SYT16: variants seen among roughly 807,000 people sequenced by gnomAD.
The protein encoded by SYT16 is synaptotagmin-16.
Under a neutral mutation model 61.4 loss-of-function variants are expected in SYT16, and 42 were observed. The observed-to-expected ratio is 0.68, with a 90% confidence interval of 0.53 to 0.89. The LOEUF (loss-of-function observed/expected upper bound fraction) is 0.89. Among genes scored for constraint, SYT16 ranks in the 40% least tolerant of loss-of-function variants. The pLI, the probability that SYT16 is intolerant of heterozygous loss-of-function variation, is 0.00. For missense variants in SYT16, 804 were observed against 807.3 expected (o/e 1.00, Z 0.05); for synonymous variants, 314 against 302.3 (o/e 1.04, Z -0.40).
intron 1 of SYT16, among the ~76,000 whole-genome samples, chr14:61,968,596 A>G (rs993558404): frequency 6.6e-6 from 1 of 152,088 alleles, no homozygotes; most frequent in Non-Finnish European, 1.5e-5. Context: ...AAGATGGTTT[A>G]CTCCTACTTA....
intron 1 of SYT16, among the ~76,000 whole-genome samples, chr14:61,888,244 A>T (rs1239276658): frequency 6.6e-6 from 1 of 151,106 alleles, no homozygotes; most frequent in Non-Finnish European, 1.5e-5. Flanking sequence ...CAGCCTCCCG[A>T]GTAGCTGGGA....
At chr14:61,916,389 C>G (rs1174590369) in intron 1 of SYT16, among the ~76,000 whole-genome samples, 1 of 151,992 alleles carries the variant, frequency 6.6e-6, no homozygotes, top group Non-Finnish European at 1.5e-5. Context: ...TTTATGTGCT[C>G]CTATTACTCC....
intron 3 of SYT16, among the ~76,000 whole-genome samples, chr14:62,057,811 A>G (rs2055632044): frequency 6.6e-6 from 1 of 152,212 alleles, no homozygotes; most frequent in East Asian, 1.9e-4. Context: ...AATAAACCGC[A>G]CATACATAAA....
chr14:62,016,095 A>G (rs1168527789), intron 3 of SYT16, among the ~76,000 whole-genome samples: 1 of 152,188 alleles, frequency 6.6e-6, no homozygotes, highest in African/African-American at 2.4e-5. Context: ...AACCATTTAC[A>G]GTGTCTCTTG....
intron 2 of SYT16, among the ~76,000 whole-genome samples, chr14:61,990,714 C>G (rs1304074790): frequency 4.6e-5 from 7 of 152,046 alleles, no homozygotes; most frequent in Admixed American, 1.3e-4. Flanking sequence ...GTAACTGTCC[C>G]CCAACCCTGC....
intron 1 of SYT16, among the ~76,000 whole-genome samples, chr14:61,915,787 A>T (rs1389713080): frequency 6.6e-6 from 1 of 152,258 alleles, no homozygotes; most frequent in African/African-American, 2.4e-5. Context: ...ATCTCCAGAC[A>T]TCTGGAAATG....
chr14:61,874,155 ATTT>A (rs1198782940), intron 1 of SYT16, among the ~76,000 whole-genome samples: 1 of 152,194 alleles, frequency 6.6e-6, no homozygotes, highest in Non-Finnish European at 1.5e-5. Flanking sequence ...GTTGCATAGA[ATTT>A]TGCAAAACAA....
At chr14:62,030,690 C>T (rs2054280304) in intron 3 of SYT16, among the ~76,000 whole-genome samples, 2 of 152,192 alleles carry the variant, frequency 1.3e-5, no homozygotes, top group Non-Finnish European at 2.9e-5. Context: ...TTGTTAATCA[C>T]ATTCAAAGGT....
intron 6 of SYT16, among the ~76,000 whole-genome samples, chr14:62,083,680 G>A (rs987904488): frequency 1.4e-4 from 21 of 152,148 alleles, no homozygotes; most frequent in African/African-American, 5.1e-4. Context: ...ACAACCTTAA[G>A]CAGAACTAGG....
At chr14:61,963,583 G>T (rs1218911708) in intron 1 of SYT16, among the ~76,000 whole-genome samples, 3 of 152,190 alleles carry the variant, frequency 2.0e-5, no homozygotes, top group Non-Finnish European at 4.4e-5. Flanking sequence ...GGTTCCTGAG[G>T]TTCAAGGAAA....
intron 1 of SYT16, among the ~76,000 whole-genome samples, chr14:61,880,067 C>G (rs1470090340): frequency 6.6e-6 from 1 of 152,232 alleles, no homozygotes; most frequent in Non-Finnish European, 1.5e-5. Context: ...TTTCCCACCT[C>G]TGTCTGCAGA....
chr14:62,074,709 CT>C (rs1462032546), intron 4 of SYT16, among the ~76,000 whole-genome samples: 1 of 152,094 alleles, frequency 6.6e-6, no homozygotes, highest in Non-Finnish European at 1.5e-5. Context: ...ATCACCAAAG[CT>C]TTTTGAGCAG....
intron 3 of SYT16, among the ~76,000 whole-genome samples, chr14:62,045,935 C>T (rs1458570728): frequency 6.6e-6 from 1 of 152,126 alleles, no homozygotes; most frequent in Non-Finnish European, 1.5e-5. Context: ...GTCTTTATAG[C>T]AGCATGATTT....
At position 62,004,191 on chromosome 14, in the gene SYT16, G is replaced by C. The variant is rs141418689; in HGVS notation, c.523+7649G>C. Among the ~76,000 whole-genome samples the C allele has an allele frequency of 2.5e-3, 388 of 152,304 alleles. 1 individual carries two copies. The highest frequency in any genetic ancestry group is 9.0e-3 in the African/African-American group (373 of 41,564). On this transcript the variant is annotated intron_variant, in intron 3 of 7. Transcript: ENST00000683842. ...GAGGCCTGAAGAAACTTACAATTAT[G>C]GCAGAAGGTGAAGGAGAAGCAAGGC...
In SYT16 at chr14:61,906,395, A is replaced by G. The variant is rs1485156731; in HGVS notation, c.-324-63737A>G. On this transcript the variant is annotated intron_variant, in intron 1 of 7. Coordinates refer to ENST00000683842, the MANE Select transcript of SYT16 (RefSeq NM_001367656.1). ...ATGCCTGGGTTCAAGCGATCCTCCCATCTCAGCCTTCTGAGTAAACACGAA... is the reference window on the plus strand; with the variant it reads ...ATGCCTGGGTTCAAGCGATCCTCCCGTCTCAGCCTTCTGAGTAAACACGAA... Among the ~76,000 whole-genome samples the G allele has an allele frequency of 3.3e-5, 5 of 152,212 alleles. No individual in the cohort carries two copies. In the East Asian group the frequency reaches 7.7e-4, roughly 23 times the overall value.
chr14:61,970,279 C>G lies in SYT16; in HGVS notation c.-177C>G, dbSNP rs1053483707. Reference sequence around the variant, plus strand: ...GAGCATCGAGGGAAAAGAAAGCATTCTAAAGACAAGACTGGGATTCACAAG... The same window carrying G: ...GAGCATCGAGGGAAAAGAAAGCATTGTAAAGACAAGACTGGGATTCACAAG... On this transcript the variant is annotated 5_prime_UTR_variant, in exon 2 of 8. Coordinates refer to ENST00000683842, the MANE Select transcript of SYT16 (RefSeq NM_001367656.1). 6.6e-6 allele frequency: 1 copy of G among 152,144 alleles called. No homozygotes were observed. Among genetic ancestry groups the G allele is most frequent in the Non-Finnish European group, 1.5e-5 (1 of 68,060 alleles). 9.4% of individuals were successfully genotyped at this position (152,144 alleles called of 1,614,324 possible). A position where few individuals can be genotyped will look rare whatever the true frequency, so the allele number is the denominator to read the frequency against.
intron 3 of SYT16, among the ~76,000 whole-genome samples, chr14:62,010,900 A>G (rs2053421224): frequency 6.6e-6 from 1 of 152,154 alleles, no homozygotes; most frequent in African/African-American, 2.4e-5. Flanking sequence ...TGCAAACCCT[A>G]TGTGCAGAAA....
intron 6 of SYT16, among the ~76,000 whole-genome samples, chr14:62,082,645 A>G (rs577388288): frequency 2.1e-4 from 32 of 152,282 alleles, no homozygotes; most frequent in Non-Finnish European, 3.4e-4. Context: ...CTCTGCTCAG[A>G]TCTCCCTTTT....
intron 1 of SYT16, among the ~76,000 whole-genome samples, chr14:61,868,089 G>C (rs1293377247): frequency 1.3e-5 from 2 of 151,764 alleles, no homozygotes; most frequent in Non-Finnish European, 3.0e-5. Flanking sequence ...CTATATTCTT[G>C]TTCATGAAAA....
Sources: gnomAD v4.1 joint callset for allele counts (sites outside exome capture counted in the v4.1 genomes callset) on GRCh38, gnomAD v4.1.1 for gene constraint, MANE v1.5 for transcripts, NCBI Gene and HGNC (gene_info 2026-07-23, HGNC 2026-07-21) for gene names.